The following KIF5C variants were observed in gnomAD, a reference collection of about 807,000 sequenced individuals.
The protein encoded by KIF5C is kinesin heavy chain isoform 5C.
A neutral mutation model predicts 125.2 loss-of-function variants in KIF5C; 18 were observed. The ratio of observed to expected loss-of-function variants is 0.14; its 90% CI spans 0.10 to 0.21. The LOEUF is 0.21. KIF5C is among the 10% of genes least tolerant of loss of function. The pLI is 1.00. For missense variants in KIF5C, 780 were observed against 1,183.8 expected, an observed-to-expected ratio of 0.66 and a Z score of 5.01; for synonymous variants, 405 against 434.0, an observed-to-expected ratio of 0.93 and a Z score of 0.83.
At chr2:148,893,406 A>C (rs1681759847) in intron 1 of KIF5C, among the ~76,000 whole-genome samples, 1 of 152,200 alleles carries the variant, frequency 6.6e-6, no homozygotes, top group African/African-American at 2.4e-5. Context: ...TGTTCCCTTT[A>C]GCCTTTTGCC....
chr2:148,999,677 T>G (rs6739835), intron 19 of KIF5C, among the ~76,000 whole-genome samples: 2,413 of 152,200 alleles, frequency 0.016, 63 homozygotes, highest in African/African-American at 0.055. Flanking sequence ...AGGGGGAGGT[T>G]GGAGGGAAGG....
chr2:149,009,932 G>C (rs527868994), intron 23 of KIF5C, among the ~76,000 whole-genome samples: 1 of 152,088 alleles, frequency 6.6e-6, no homozygotes, highest in Non-Finnish European at 1.5e-5. Context: ...CCACCCCACC[G>C]TTCCTTGCAC....
chr2:148,932,650 C>T (rs944633269), intron 3 of KIF5C, among the ~76,000 whole-genome samples: 3 of 152,196 alleles, frequency 2.0e-5, no homozygotes, highest in Admixed American at 2.0e-4. Context: ...TTGTGATCCT[C>T]TTCTGCACAC....
chr2:148,884,918 G>C (rs6751459), intron 1 of KIF5C, among the ~76,000 whole-genome samples: 7,575 of 151,968 alleles, frequency 0.05, 308 homozygotes, highest in Admixed American at 0.12. Flanking sequence ...GGGCCATCAG[G>C]GCTAAGCAAG....
chr2:149,022,400 A>T (rs562956121), intron 25 of KIF5C, among the ~76,000 whole-genome samples: 2 of 152,128 alleles, frequency 1.3e-5, no homozygotes, highest in Non-Finnish European at 2.9e-5. Flanking sequence ...AGCTCTCAAA[A>T]TGTGGCTAAG....
At chr2:148,904,523 G>A (rs774707648) in intron 1 of KIF5C, among the ~76,000 whole-genome samples, 7 of 152,208 alleles carry the variant, frequency 4.6e-5, no homozygotes, top group Non-Finnish European at 8.8e-5. Flanking sequence ...TGGATTAGGC[G>A]TTGATGGTGG....
chr2:149,008,083 C>A lies in KIF5C; in HGVS notation c.2550+16C>A. The A allele has an allele frequency of 6.2e-7, 1 of 1,600,028 alleles. No homozygotes were observed. The highest frequency in any genetic ancestry group is 8.5e-7 in the Non-Finnish European group (1 of 1,170,936). On this transcript the variant is annotated intron_variant, in intron 23 of 25. Coordinates refer to ENST00000435030, the MANE Select transcript of KIF5C (RefSeq NM_004522.3). ...TCACAAGCAGGTAGGAGAGTTCTGC[C>A]CGCTCCCCTCTGATTCCCTCCTCTC...
chr2:148,885,682 T>C (rs938281028), intron 1 of KIF5C: 1 of 152,198 alleles, frequency 6.6e-6, no homozygotes, highest in Admixed American at 6.5e-5. Flanking sequence ...CTTTTTATGT[T>C]TCATATTCCT....
intron 1 of KIF5C, among the ~76,000 whole-genome samples, chr2:148,919,136 A>T (rs368230575): frequency 6.6e-6 from 1 of 152,218 alleles, no homozygotes; most frequent in African/African-American, 2.4e-5. Flanking sequence ...TGTCTAGAGG[A>T]CATGTGAATC....
At chr2:148,949,374 G>T (rs1030122543) in intron 8 of KIF5C, among the ~76,000 whole-genome samples, 5 of 151,986 alleles carry the variant, frequency 3.3e-5, no homozygotes, top group Admixed American at 6.6e-5. Context: ...CAACCCTACC[G>T]CCTCTAGTCA....
chr2:148,987,182 G>C (rs891219136), intron 15 of KIF5C, among the ~76,000 whole-genome samples: 8 of 152,198 alleles, frequency 5.3e-5, no homozygotes, highest in African/African-American at 1.9e-4. Context: ...TTATTCAACA[G>C]GTTACAGGAG....
intron 21 of KIF5C, among the ~76,000 whole-genome samples, chr2:149,002,861 G>C (rs1161730470): frequency 1.3e-5 from 2 of 152,202 alleles, no homozygotes; most frequent in Non-Finnish European, 2.9e-5. Context: ...TGTTTCATCA[G>C]CTCTTTTGCC....
At chr2:148,984,616 T>G (rs1681328184) in intron 15 of KIF5C, among the ~76,000 whole-genome samples, 1 of 152,030 alleles carries the variant, frequency 6.6e-6, no homozygotes, top group East Asian at 1.9e-4. Flanking sequence ...GGGAAACATA[T>G]CCCAGAAGTC....
chr2:148,895,224 G>A (rs367932316), intron 1 of KIF5C, among the ~76,000 whole-genome samples: 2 of 151,980 alleles, frequency 1.3e-5, no homozygotes, highest in Admixed American at 6.6e-5. Flanking sequence ...TGCAACCTCC[G>A]CCTCCCGGGT....
rs75305501 is a variant in KIF5C, at chr2:148,987,007, A to G, written c.1716+3241A>G. Among the ~76,000 whole-genome samples the G allele has an allele frequency of 5.5e-3, 844 of 152,284 alleles. 5 individuals are homozygous for G. Among genetic ancestry groups the G allele is most frequent in the African/African-American group, 0.019 (803 of 41,552 alleles). ...TCAACAGAAGTATGATGAGGTCCAT[A>G]CATTTGGAAAGGAGAGCTTTATTTT... On this transcript the variant is annotated intron_variant, in intron 15 of 25. Coordinates refer to ENST00000435030, the MANE Select transcript of KIF5C (RefSeq NM_004522.3).
intron 4 of KIF5C, among the ~76,000 whole-genome samples, chr2:148,941,124 T>A (rs1337989364): frequency 6.6e-6 from 1 of 152,234 alleles, no homozygotes; most frequent in Non-Finnish European, 1.5e-5. Flanking sequence ...GCACCAGAGC[T>A]GGCCACCATT....
At chr2:148,905,273 A>C (rs575109009) in intron 1 of KIF5C, among the ~76,000 whole-genome samples, 1 of 152,358 alleles carries the variant, frequency 6.6e-6, no homozygotes, top group East Asian at 1.9e-4. Context: ...TCCCTGAGTT[A>C]GGACACATTG....
intron 15 of KIF5C, among the ~76,000 whole-genome samples, chr2:148,988,090 A>G (rs528181126): frequency 1.3e-5 from 2 of 151,950 alleles, no homozygotes; most frequent in African/African-American, 4.8e-5. Context: ...ATGGTCTAGT[A>G]TGTACTACTG....
At position 148,875,636 on chromosome 2, in the gene KIF5C, T is replaced by A; in HGVS notation, c.19T>A (p.Cys7Ser). 7.1e-7 allele frequency: 1 copy of A among 1,401,858 alleles called. No individual in the cohort carries two copies. The highest frequency in any genetic ancestry group is 2.2e-5 in the Admixed American group (1 of 44,896). 86.8% of individuals were successfully genotyped at this position (1,401,858 alleles called of 1,614,324 possible). A position where few individuals can be genotyped will look rare whatever the true frequency, so the allele number is the denominator to read the frequency against. ...GGCCGAGATGGCGGATCCAGCCGAA[T>A]GCAGCATCAAAGTGATGTGCCGGTT... Reference protein sequence around the residue: MADPAECSIKVMCRFRP... With the variant: MADPAESSIKVMCRFRP... Residue 7 changes from cysteine (C) to serine (S), a missense_variant, in exon 1 of 26, where the codon TGC (cysteine) becomes AGC (serine). By Grantham distance (112) the Cys-to-Ser change is moderately radical. Around this residue, in one of 2 missense-constraint regions of KIF5C, gnomAD observed 207 missense variants for 441.2 expected, o/e 0.47. Transcript: ENST00000435030.
Sources: allele counts gnomAD v4.1 joint callset (sites outside exome capture counted in the v4.1 genomes callset), GRCh38; gene constraint gnomAD v4.1.1; regional missense constraint gnomAD v4.1.1; transcripts MANE v1.5; gene names NCBI Gene and HGNC (gene_info 2026-07-23, HGNC 2026-07-21).